EVI5: variants seen among roughly 807,000 people sequenced by gnomAD.
EVI5 encodes the protein ecotropic viral integration site 5 protein homolog.
A neutral mutation model predicts 112.0 loss-of-function variants in EVI5; 73 were observed. The observed-to-expected ratio is 0.65, with a 90% CI of 0.54 to 0.79. EVI5 has a LOEUF of 0.79. Ranked by LOEUF, EVI5 falls within the 30% of genes least tolerant of loss-of-function variation. The pLI is 0.00. For synonymous variants in EVI5, 305 were observed against 319.9 expected, an observed-to-expected ratio of 0.95 and a Z score of 0.50; for missense variants, 900 against 968.8, an observed-to-expected ratio of 0.93 and a Z score of 0.94.
intron 5 of EVI5, 125 bp from the exon 6 acceptor site, chr1:92,698,110 T>A: frequency 1.3e-6 from 1 of 798,228 alleles, no homozygotes; most frequent in Non-Finnish European, 2.0e-6. Flanking sequence ...GCTGCAATGT[T>A]AAGAGCAATG....
intron 1 of EVI5, among the ~76,000 whole-genome samples, chr1:92,780,340 A>G (rs1439006788): frequency 6.6e-6 from 1 of 152,200 alleles, no homozygotes; most frequent in East Asian, 1.9e-4. Flanking sequence ...AGACTAATAC[A>G]CCTGTGAGAC....
rs184857372 is a variant in EVI5, at chr1:92,713,502, G to A, written c.150-8758C>T. Reference sequence around the variant, plus strand: ...TAAAAAGAACCCTTTCTGGCCAGGCGCAGTGGCTCACACCTATAATCCCAG... The same window carrying A: ...TAAAAAGAACCCTTTCTGGCCAGGCACAGTGGCTCACACCTATAATCCCAG... On this transcript the variant is annotated intron_variant, in intron 2 of 19. Transcript: ENST00000684568. Among the ~76,000 whole-genome samples, 717 of 152,002 alleles carry A rather than the reference G, an allele frequency of 4.7e-3. 11 individuals carry two copies. Among genetic ancestry groups the A allele is most frequent in the Admixed American group, 0.033 (504 of 15,258 alleles).
chr1:92,713,495 G>T (rs1257216470), intron 2 of EVI5, among the ~76,000 whole-genome samples: 1 of 151,802 alleles, frequency 6.6e-6, no homozygotes, highest in African/African-American at 2.4e-5. Context: ...ACCCTTTCTG[G>T]CCAGGCGCAG....
chr1:92,665,496 A>G (rs1352018343), intron 11 of EVI5, among the ~76,000 whole-genome samples: 2 of 152,208 alleles, frequency 1.3e-5, no homozygotes, highest in Non-Finnish European at 2.9e-5. Flanking sequence ...AATCAACATG[A>G]GTGAATTTTT....
chr1:92,670,489 T>C (rs930466976), intron 10 of EVI5, among the ~76,000 whole-genome samples: 4 of 152,198 alleles, frequency 2.6e-5, no homozygotes, highest in Non-Finnish European at 5.9e-5. Context: ...TAAGCCCCCT[T>C]GCCCTTCTCT....
At chr1:92,587,951 G>A (rs1239043148) in intron 18 of EVI5, among the ~76,000 whole-genome samples, 2 of 152,118 alleles carry the variant, frequency 1.3e-5, no homozygotes, top group African/African-American at 2.4e-5. Flanking sequence ...GAAGGCTTGG[G>A]TTTAATTCTC....
In EVI5 at chr1:92,513,546, TATATATATATATATATATATG is replaced by T; in HGVS notation, c.*89_*109del. 8.0e-5 allele frequency: 1 copy of T among 12,496 alleles called. No individual in the cohort carries two copies. The highest frequency in any genetic ancestry group is 1.2e-4 in the Non-Finnish European group (1 of 8,550). The allele number at this position is 12,496 out of a possible 1,614,324, so 0.8% of individuals were successfully genotyped here. On this transcript the variant is annotated 3_prime_UTR_variant, in exon 20 of 20. Coordinates refer to ENST00000684568, the MANE Select transcript of EVI5 (RefSeq NM_001350197.2). ...ATATATATATATATATATATATATA[TATATATATATATATATATATG>T]TACATATGAAACAAATTATTTCCAA...
Position 92,601,077 on chromosome 1 carries a change from A to G in EVI5, c.2070+4230T>C, listed in dbSNP as rs944274956. 5.9e-5 allele frequency among the ~76,000 whole-genome samples: 9 copies of G among 152,378 alleles called. 1 individual carries two copies. The highest frequency in any genetic ancestry group is 3.9e-4 in the Admixed American group (6 of 15,308). On this transcript the variant is annotated intron_variant, in intron 18 of 19. Coordinates refer to ENST00000684568, the MANE Select transcript of EVI5 (RefSeq NM_001350197.2). Reference sequence around the variant, plus strand: ...GAAATGGTCAAAAACAAATGCAATAAGCATGAGCAGGCAAATACTGAAAAA... The same window carrying G: ...GAAATGGTCAAAAACAAATGCAATAGGCATGAGCAGGCAAATACTGAAAAA...
chr1:92,766,336 A>AT (rs1348064510), intron 1 of EVI5, among the ~76,000 whole-genome samples: 1 of 151,492 alleles, frequency 6.6e-6, no homozygotes, highest in Non-Finnish European at 1.5e-5. Context: ...TCCACACACA[A>AT]TTTTTTCTTG....
intron 13 of EVI5, among the ~76,000 whole-genome samples, chr1:92,651,304 A>G (rs1438884888): frequency 1.3e-5 from 2 of 152,252 alleles, no homozygotes; most frequent in African/African-American, 2.4e-5. Flanking sequence ...TACAGAATAA[A>G]GAAATTAGTT....
In EVI5 at chr1:92,662,807, G is replaced by GCCAACT. The variant is rs1558020632; in HGVS notation, c.1298_1303dup (p.Glu433_Leu434dup). The GCCAACT allele has an allele frequency of 2.3e-6, 3 of 1,289,146 alleles. No homozygotes were observed. The South Asian group carries it at 3.7e-5, about 16-fold the overall frequency. The allele number at this position is 1,289,146 out of a possible 1,614,324, so 79.9% of individuals were successfully genotyped here. On this transcript the variant is annotated inframe_insertion, in exon 13 of 20. Coordinates refer to ENST00000684568, the MANE Select transcript of EVI5 (RefSeq NM_001350197.2). The stretch of plus-strand genomic sequence containing the variant: ...CTCATCACTCTGCTGTTTGATGGTG[G>GCCAACT]CCAACTCCCGTTTTATGAGGTAGTT...
intron 1 of EVI5, chr1:92,784,382 C>T (rs1685314604): frequency 1.0e-6 from 1 of 985,128 alleles, no homozygotes; most frequent in Non-Finnish European, 1.2e-6. Context: ...CCTGGAGACA[C>T]GCCATGCGCA....
intron 13 of EVI5, among the ~76,000 whole-genome samples, chr1:92,648,832 G>A (rs547240356): frequency 4.6e-5 from 7 of 152,138 alleles, no homozygotes; most frequent in Non-Finnish European, 7.4e-5. Context: ...TGCTACAAAC[G>A]TGTATACACA....
intron 13 of EVI5, among the ~76,000 whole-genome samples, chr1:92,657,525 T>C (rs553874973): frequency 7.6e-4 from 116 of 152,028 alleles, no homozygotes; most frequent in African/African-American, 2.7e-3. Context: ...TAATGAGGTA[T>C]GGTGGTGTGT....
chr1:92,557,235 C>CT lies in EVI5; in HGVS notation c.2166+6406dup, dbSNP rs942980343. On this transcript the variant is annotated intron_variant, in intron 19 of 19. Coordinates refer to ENST00000684568, the MANE Select transcript of EVI5 (RefSeq NM_001350197.2). ...TTGTTTATAGCATACCAAAATAGTT[C>CT]TTTTTTTTTTCCAGCTTTATCTTGA... 3.8e-3 allele frequency among the ~76,000 whole-genome samples: 572 copies of CT among 148,812 alleles called. 6 individuals are homozygous for CT. The highest frequency in any genetic ancestry group is 0.012 in the African/African-American group (478 of 40,684).
chr1:92,611,057 C>T (rs1463216205), intron 16 of EVI5, among the ~76,000 whole-genome samples: 1 of 150,676 alleles, frequency 6.6e-6, no homozygotes, highest in African/African-American at 2.4e-5. Flanking sequence ...TGTAACTAAC[C>T]TGCACAATGT....
chr1:92,791,843 AAC>A (rs1686122943), intron 1 of EVI5, among the ~76,000 whole-genome samples: 1 of 152,216 alleles, frequency 6.6e-6, no homozygotes, highest in Non-Finnish European at 1.5e-5. Context: ...TGTGTTCCCA[AAC>A]ACGACGGGAG....
chr1:92,522,769 C>T (rs1308165545), intron 19 of EVI5, among the ~76,000 whole-genome samples: 1 of 151,558 alleles, frequency 6.6e-6, no homozygotes, highest in Non-Finnish European at 1.5e-5. Context: ...TTCATTCATT[C>T]ATTTATGAGA....
At chr1:92,533,830 G>A (rs548107425) in intron 19 of EVI5, among the ~76,000 whole-genome samples, 56 of 152,216 alleles carry the variant, frequency 3.7e-4, no homozygotes, top group African/African-American at 1.3e-3. Flanking sequence ...ATCATACTGA[G>A]TGGGCAAAAA....
Sources: allele counts gnomAD v4.1 joint callset (sites outside exome capture counted in the v4.1 genomes callset), GRCh38; gene constraint gnomAD v4.1.1; transcripts MANE v1.5; gene names NCBI Gene and HGNC (gene_info 2026-07-23, HGNC 2026-07-21).